TAAR2: variants seen among roughly 807,000 people sequenced by gnomAD.
TAAR2 encodes the protein trace amine-associated receptor 2.
Under a neutral mutation model 25.5 loss-of-function variants are expected in TAAR2, and 30 were observed. The ratio of observed to expected loss-of-function variants is 1.18; its 90% CI spans 0.88 to 1.60. The LOEUF is 1.60. Ranked by LOEUF, TAAR2 falls within the 40% of genes most tolerant of loss-of-function variation. The probability of loss-of-function intolerance (pLI) is 0.00; values close to 1 mark genes in which losing one functional copy is unlikely to be tolerated. For synonymous variants in TAAR2, 150 were observed against 142.4 expected (o/e 1.05, Z -0.38); for missense variants, 481 against 416.5 (o/e 1.15, Z -1.35).
In TAAR2 at chr6:132,617,172, C is replaced by A. The variant is rs757190817; in HGVS notation, c.1034G>T (p.Cys345Phe). 3 of 1,586,322 alleles carry A rather than the reference C, an allele frequency of 1.9e-6. No individual in the cohort carries two copies. The highest frequency in any genetic ancestry group is 2.6e-6 in the Non-Finnish European group (3 of 1,172,494). The change falls in exon 2 of 2, where the codon TGT becomes TTT. Residue 345 changes from cysteine (C) to phenylalanine (F), a missense_variant. Physicochemically the swap from Cys to Phe is radical, Grantham distance 205. Transcript: ENST00000367931. ...FSSCFHNTILCMQKESE is the reference protein window; with the variant it reads ...FSSCFHNTILFMQKESE ...AGCCTACTCACTTTCTTTTTGCATA[C>A]ACAAAATAGTATTATGGAAACATGA...
At chr6:132,623,935 C>G (rs1382242269) in intron 1 of TAAR2, among the ~76,000 whole-genome samples, 4 of 151,902 alleles carry the variant, frequency 2.6e-5, no homozygotes, top group Non-Finnish European at 5.9e-5. Context: ...TGGATGGGAC[C>G]TCTGGTTCAA....
At chr6:132,621,932 C>A (rs182140682) in intron 1 of TAAR2, among the ~76,000 whole-genome samples, 4 of 152,194 alleles carry the variant, frequency 2.6e-5, no homozygotes, top group African/African-American at 7.2e-5. Context: ...TCAGTTTGAA[C>A]CTTTCAAAAA....
intron 1 of TAAR2, among the ~76,000 whole-genome samples, chr6:132,622,336 AT>A (rs940470949): frequency 1.1e-4 from 17 of 150,712 alleles, no homozygotes; most frequent in African/African-American, 3.6e-4. Flanking sequence ...TATTATTATT[AT>A]TTTTTCTTTT....
intron 1 of TAAR2, among the ~76,000 whole-genome samples, chr6:132,618,728 T>C (rs1429015008): frequency 6.6e-6 from 1 of 152,182 alleles, no homozygotes; most frequent in Non-Finnish European, 1.5e-5. Context: ...GGCTTTGAAA[T>C]TTAAAAGAAG....
chr6:132,618,917 T>C (rs1288968590), intron 1 of TAAR2, among the ~76,000 whole-genome samples: 1 of 152,240 alleles, frequency 6.6e-6, no homozygotes, highest in Admixed American at 6.5e-5. Flanking sequence ...TCTTGTGTTC[T>C]ATTATTTTCA....
intron 1 of TAAR2, 167 bp from the exon 2 acceptor site, chr6:132,618,312 G>A: frequency 1.3e-6 from 1 of 789,656 alleles, no homozygotes; most frequent in Non-Finnish European, 1.9e-6. Flanking sequence ...ATCTTTATTT[G>A]TAATTTTGTA....
Position 132,617,540 on chromosome 6 carries a change from C to T in TAAR2, c.666G>A (p.Gly222=), listed in dbSNP as rs759531991. 5 of 1,613,954 alleles carry T rather than the reference C, an allele frequency of 3.1e-6. No homozygotes were observed. The South Asian group carries it at 3.3e-5, about 11-fold the overall frequency. Residue 222 remains glycine (G), a synonymous_variant, in exon 2 of 2, where the codon GGG becomes GGA. Transcript: ENST00000367931. ...TGCCATAAATCCCCACCATCATAGACCCAGGAGTGAAGAAACCTGCCATAA... is the reference window on the plus strand; with the variant it reads ...TGCCATAAATCCCCACCATCATAGATCCAGGAGTGAAGAAACCTGCCATAA... ...TLFMAGFFTP[G]SMMVGIYGKI... is the part of the protein sequence containing the mutation.
chr6:132,622,336 ATTT>A (rs940470949), intron 1 of TAAR2, among the ~76,000 whole-genome samples: 2 of 150,712 alleles, frequency 1.3e-5, no homozygotes, highest in Non-Finnish European at 3.0e-5. Flanking sequence ...TATTATTATT[ATTT>A]TTTCTTTTTT....
Position 132,617,523 on chromosome 6 carries a change from A to G in TAAR2, c.683T>C (p.Ile228Thr). 6.2e-7 allele frequency: 1 copy of G among 1,613,982 alleles called. No homozygotes were observed. The highest frequency in any genetic ancestry group is 8.5e-7 in the Non-Finnish European group (1 of 1,179,964). ...GGATACTGCAAAAATTTTGCCATAA[A>G]TCCCCACCATCATAGACCCAGGAGT... ...FFTPGSMMVGIYGKIFAVSRK... is the reference protein window; with the variant it reads ...FFTPGSMMVGTYGKIFAVSRK... Residue 228 changes from isoleucine (I) to threonine (T), a missense_variant, in exon 2 of 2, where the codon ATT becomes ACT. Physicochemically the swap from Ile to Thr is moderately conservative, Grantham distance 89 (BLOSUM62 -1). Coordinates refer to ENST00000367931, the MANE Select transcript of TAAR2 (RefSeq NM_001033080.1).
chr6:132,622,507 G>A (rs1163400103), intron 1 of TAAR2, among the ~76,000 whole-genome samples: 4 of 44,308 alleles, frequency 9.0e-5, no homozygotes, highest in African/African-American at 1.6e-4. Context: ...TTTTTTTGAG[G>A]CGGAGTCTCC....
chr6:132,617,786 A>C lies in TAAR2; in HGVS notation c.420T>G (p.Asp140Glu), dbSNP rs207467452. ...SIFHLCSVAI[D>E]RFYAICYPLL... ...ATGGGTAACATATAGCATAAAATCT[A>C]TCAATGGCCACTGAGCAAAGATGAA... Residue 140 changes from aspartate (D) to glutamate (E), a missense_variant, in exon 2 of 2, where the codon GAT (aspartate) becomes GAG (glutamate). Physicochemically the swap from Asp to Glu is conservative, Grantham distance 45. Transcript: ENST00000367931. 6.2e-7 allele frequency: 1 copy of C among 1,614,128 alleles called. No homozygotes were observed. The highest frequency in any genetic ancestry group is 1.1e-5 in the South Asian group (1 of 91,084).
chr6:132,618,195 T>C (rs1777327276), intron 1 of TAAR2, 50 bp from the exon 2 acceptor site: 12 of 1,472,706 alleles, frequency 8.1e-6, no homozygotes, highest in Non-Finnish European at 1.1e-5. Context: ...AAATATTCTA[T>C]GTTTTATATA....
chr6:132,622,949 G>T (rs2114614121), intron 1 of TAAR2, among the ~76,000 whole-genome samples: 1 of 152,136 alleles, frequency 6.6e-6, no homozygotes, highest in South Asian at 2.1e-4. Flanking sequence ...CATATTAAAT[G>T]GATGGTATAA....
chr6:132,617,864 T>C lies in TAAR2; in HGVS notation c.342A>G (p.Thr114=), dbSNP rs762896741. Residue 114 remains threonine (T), a synonymous_variant, in exon 2 of 2, where the codon ACA becomes ACG. Coordinates refer to ENST00000367931, the MANE Select transcript of TAAR2 (RefSeq NM_001033080.1). ...CAAAACTATAATAAATCTTGCAAAA[T>C]GTAAGCCCAAAATACCAGCAGTTCT... ...SVENCWYFGL[T]FCKIYYSFDL... The C allele has an allele frequency of 9.9e-6, 16 of 1,614,024 alleles. No homozygotes were observed. The East Asian group carries it at 3.1e-4, about 32-fold the overall frequency.
At chr6:132,621,907 A>G (rs1212255174) in intron 1 of TAAR2, among the ~76,000 whole-genome samples, 1 of 152,124 alleles carries the variant, frequency 6.6e-6, no homozygotes, top group East Asian at 1.9e-4. Flanking sequence ...TAGTTCTTTC[A>G]TGTGACATCT....
chr6:132,620,315 T>C (rs1229249221), intron 1 of TAAR2, among the ~76,000 whole-genome samples: 1 of 152,192 alleles, frequency 6.6e-6, no homozygotes, highest in Non-Finnish European at 1.5e-5. Flanking sequence ...TCTTTATATC[T>C]GCCACCTGGG....
chr6:132,623,957 C>T (rs546707572), intron 1 of TAAR2, among the ~76,000 whole-genome samples: 52 of 152,138 alleles, frequency 3.4e-4, no homozygotes, highest in Admixed American at 7.2e-4. Flanking sequence ...CAGAAGAATG[C>T]GCATGTGTCC....
chr6:132,620,181 C>T (rs998300753), intron 1 of TAAR2, among the ~76,000 whole-genome samples: 1 of 152,230 alleles, frequency 6.6e-6, no homozygotes, highest in African/African-American at 2.4e-5. Flanking sequence ...CCAACTGATG[C>T]CAAGTGGCGA....
intron 1 of TAAR2, among the ~76,000 whole-genome samples, chr6:132,620,512 G>A (rs148695564): frequency 2.8e-4 from 42 of 152,272 alleles, no homozygotes; most frequent in African/African-American, 8.9e-4. Flanking sequence ...CAGCTGAAAT[G>A]GGGGTTTCTA....
Sources: gnomAD v4.1 joint callset for allele counts (sites outside exome capture counted in the v4.1 genomes callset) on GRCh38, gnomAD v4.1.1 for gene constraint, MANE v1.5 for transcripts, NCBI Gene and HGNC (gene_info 2026-07-23, HGNC 2026-07-21) for gene names.